The following RHOBTB1 variants were observed in gnomAD, a reference collection of about 807,000 sequenced individuals.
RHOBTB1 encodes the protein Rho related BTB domain containing 1, also known as rho-related BTB domain-containing protein 1.
Under a neutral mutation model 71.6 loss-of-function variants are expected in RHOBTB1, and 40 were observed. The observed-to-expected ratio is 0.56, with a 90% CI of 0.43 to 0.73. The LOEUF is 0.73. RHOBTB1 is among the 30% of genes least tolerant of loss of function. The pLI, the probability that RHOBTB1 is intolerant of heterozygous loss-of-function variation, is 0.00. For missense variants in RHOBTB1, 797 were observed against 894.0 expected, an observed-to-expected ratio of 0.89 and a Z score of 1.38; for synonymous variants, 319 against 334.9, an observed-to-expected ratio of 0.95 and a Z score of 0.52.
At position 60,874,963 on chromosome 10, in the gene RHOBTB1, T is replaced by G; in HGVS notation, c.1806A>C (p.Glu602Asp). 1 of 1,613,294 alleles carries G rather than the reference T, an allele frequency of 6.2e-7. No homozygotes were observed. Among genetic ancestry groups the G allele is most frequent in the Non-Finnish European group, 8.5e-7 (1 of 1,179,252 alleles). ...GCAAACTGTTACAAACCTGAGCCAA[T>G]TCCAAGTAAGAGAGCACTTCTCCGT... ...GIDGEVLSYLELAQFHNAHQL... is the reference protein window; with the variant it reads ...GIDGEVLSYLDLAQFHNAHQL... The change falls in exon 9 of 11, where the codon GAA becomes GAC. Residue 602 changes from glutamate to aspartate, a missense_variant. By Grantham distance (45) the Glu-to-Asp change is conservative. This residue lies in a region of RHOBTB1 where 658 missense variants were observed against 681.5 expected (regional missense o/e 0.97). Coordinates refer to ENST00000337910, the MANE Select transcript of RHOBTB1 (RefSeq NM_014836.5).
intron 5 of RHOBTB1, 94 bp downstream of exon 5, chr10:60,892,716 G>T: frequency 9.4e-7 from 1 of 1,068,548 alleles, no homozygotes; most frequent in Non-Finnish European, 1.3e-6. Context: ...GGATCCAGGA[G>T]TGTTGAAGAG....
chr10:60,925,033 C>T (rs947523749), intron 2 of RHOBTB1, among the ~76,000 whole-genome samples: 3 of 152,160 alleles, frequency 2.0e-5, no homozygotes, highest in African/African-American at 7.2e-5. Context: ...TAAGTGAACT[C>T]TTGCTCTCAG....
At chr10:60,890,331 GC>G (rs2081855525) in intron 5 of RHOBTB1, among the ~76,000 whole-genome samples, 2 of 151,972 alleles carry the variant, frequency 1.3e-5, no homozygotes, top group South Asian at 4.2e-4. Context: ...AGTCCTCACT[GC>G]TGCAAGAAAA....
chr10:60,918,933 ATGGGGTTTCTCCATGT>A (rs2083411198), intron 2 of RHOBTB1, among the ~76,000 whole-genome samples: 1 of 151,890 alleles, frequency 6.6e-6, no homozygotes, highest in Non-Finnish European at 1.5e-5. Flanking sequence ...TTTAGTAGAG[ATGGGGTTTCTCCATGT>A]TGATCAGGCT....
At chr10:60,912,219 A>ATGTG (rs2083024394) in intron 2 of RHOBTB1, among the ~76,000 whole-genome samples, 1 of 151,530 alleles carries the variant, frequency 6.6e-6, no homozygotes, top group Non-Finnish European at 1.5e-5. Flanking sequence ...ATATGTGTAT[A>ATGTG]TATATACACA....
In RHOBTB1 at chr10:60,888,722, GCTT is replaced by G; in HGVS notation, c.943_945del (p.Lys315del). On this transcript the variant is annotated inframe_deletion, in exon 6 of 11. Coordinates refer to ENST00000337910, the MANE Select transcript of RHOBTB1 (RefSeq NM_014836.5). ...ATCCGCCCCTGGAAATCTCTGCTCT[GCTT>G]CTCTTTCTCACAGGCTCCTTCACTC... 6.2e-7 allele frequency: 1 copy of G among 1,614,156 alleles called. No individual in the cohort carries two copies. Among genetic ancestry groups the G allele is most frequent in the Non-Finnish European group, 8.5e-7 (1 of 1,180,022 alleles).
the RHOBTB1 span, among the ~76,000 whole-genome samples, chr10:60,861,337 C>T: frequency 2.6e-5 from 4 of 152,122 alleles, no homozygotes; most frequent in Admixed American, 6.5e-5. Context: ...TTCTCTAGGG[C>T]CAGGCCTAGA....
In RHOBTB1 at chr10:60,963,135, T is replaced by C. The variant is rs367719307; in HGVS notation, c.-61-21281A>G. On this transcript the variant is annotated intron_variant, in intron 2 of 11. Transcript: ENST00000357917. ...TGATCACATAAACAAACCACACCAT[T>C]TGGTTTGACCAAAAGTTATGGCAGG... 1.2e-3 allele frequency among the ~76,000 whole-genome samples: 184 copies of C among 152,230 alleles called. 1 individual carries two copies. Among genetic ancestry groups the C allele is most frequent in the African/African-American group, 4.1e-3 (169 of 41,544 alleles).
In RHOBTB1 at chr10:60,871,675, A is replaced by G. The variant is rs749104461; in HGVS notation, c.1922-24T>C. On this transcript the variant is annotated intron_variant, in intron 10 of 10. Transcript: ENST00000337910. The stretch of plus-strand genomic sequence containing the variant: ...GTCTGGTGAAGGAAAGATGCAGACC[A>G]TAAGACCTGCGGTTCATTGATGCCT... The G allele has an allele frequency of 5.0e-6, 8 of 1,608,504 alleles. No individual in the cohort carries two copies. The South Asian group carries it at 6.6e-5, about 13-fold the overall frequency.
At chr10:60,924,430 GA>G (rs746196869) in intron 2 of RHOBTB1, among the ~76,000 whole-genome samples, 6 of 152,110 alleles carry the variant, frequency 3.9e-5, no homozygotes, top group Non-Finnish European at 8.8e-5. Context: ...ATTATATAAT[GA>G]CAAAGGGGTC....
chr10:60,907,197 T>C (rs2082721964), intron 4 of RHOBTB1, among the ~76,000 whole-genome samples: 1 of 152,220 alleles, frequency 6.6e-6, no homozygotes, highest in Admixed American at 6.5e-5. Flanking sequence ...TAGTCTCAAA[T>C]ATGTCTTTAT....
intron 2 of RHOBTB1, among the ~76,000 whole-genome samples, chr10:60,936,090 G>A (rs982763240): frequency 6.6e-6 from 1 of 152,206 alleles, no homozygotes; most frequent in Non-Finnish European, 1.5e-5. Flanking sequence ...TATTCTTTCA[G>A]TATTAAAATT....
upstream of RHOBTB1, among the ~76,000 whole-genome samples, chr10:60,944,793 A>C (rs1014450751): frequency 2.6e-5 from 4 of 152,160 alleles, no homozygotes; most frequent in African/African-American, 9.7e-5. Flanking sequence ...GGGCGGCTGC[A>C]CGTGCTGGCT....
At chr10:60,904,254 C>T (rs1201699010) in intron 4 of RHOBTB1, among the ~76,000 whole-genome samples, 1 of 150,978 alleles carries the variant, frequency 6.6e-6, no homozygotes, top group Non-Finnish European at 1.5e-5. Flanking sequence ...GCCTATTTCT[C>T]GTCTTAAAGA....
chr10:60,865,686 T>G (rs900818905), downstream of RHOBTB1, among the ~76,000 whole-genome samples: 1 of 152,250 alleles, frequency 6.6e-6, no homozygotes, highest in Admixed American at 6.5e-5. Flanking sequence ...GTCTCCAGGC[T>G]GGCCCATAGC....
intron 2 of RHOBTB1, among the ~76,000 whole-genome samples, chr10:60,940,733 C>G (rs1336058474): frequency 6.6e-6 from 1 of 152,136 alleles, no homozygotes; most frequent in Non-Finnish European, 1.5e-5. Context: ...CAAACTCTCA[C>G]CGATTAATCA....
At chr10:60,915,288 ACTGT>A (rs1395130495) in intron 2 of RHOBTB1, among the ~76,000 whole-genome samples, 2 of 152,174 alleles carry the variant, frequency 1.3e-5, no homozygotes, top group East Asian at 1.9e-4. Context: ...CTGGATAATG[ACTGT>A]CTGGTTTCTG....
chr10:60,911,582 G>A (rs1271627217), intron 2 of RHOBTB1, 30 bp from the exon 3 acceptor site: 2 of 1,564,654 alleles, frequency 1.3e-6, no homozygotes, highest in Non-Finnish European at 1.8e-6. Context: ...ACCACAGTAA[G>A]GACACCAAGG....
At chr10:60,929,318 A>T (rs1294865513) in intron 2 of RHOBTB1, among the ~76,000 whole-genome samples, 5 of 152,178 alleles carry the variant, frequency 3.3e-5, no homozygotes, top group Non-Finnish European at 7.4e-5. Flanking sequence ...GAAAATGAAA[A>T]ATTAAAAAAA....
Sources: gnomAD v4.1 joint callset for allele counts (sites outside exome capture counted in the v4.1 genomes callset) on GRCh38, gnomAD v4.1.1 for gene constraint, gnomAD v4.1.1 regional missense constraint, MANE v1.5 for transcripts, NCBI Gene and HGNC (gene_info 2026-07-23, HGNC 2026-07-21) for gene names.